Variants in ABTB2 observed in about 807,000 individuals in gnomAD.
ABTB2 encodes ankyrin repeat and BTB domain containing 2, also known as ankyrin repeat and BTB/POZ domain-containing protein 2.
ABTB2 carries 56 observed loss-of-function variants against 104.1 expected under a neutral mutation model. The observed-to-expected ratio is 0.54, with a 90% CI of 0.43 to 0.67. The LOEUF (loss-of-function observed/expected upper bound fraction) is 0.67. ABTB2 is among the 30% of genes least tolerant of loss of function. ABTB2 has a pLI of 0.00. For synonymous variants in ABTB2, 606 were observed against 608.2 expected (o/e 1.00, Z 0.05); for missense variants, 1,279 against 1,407.7 (o/e 0.91, Z 1.46).
chr11:34,206,851 G>A (rs1853414499), intron 1 of ABTB2, among the ~76,000 whole-genome samples: 1 of 152,192 alleles, frequency 6.6e-6, no homozygotes, highest in South Asian at 2.1e-4. Context: ...CTGATGTGGT[G>A]AAGGCCCCCT....
At chr11:34,246,503 A>C (rs1853984726) in intron 1 of ABTB2, among the ~76,000 whole-genome samples, 1 of 147,218 alleles carries the variant, frequency 6.8e-6, no homozygotes, top group African/African-American at 2.5e-5. Flanking sequence ...TGGGAGGCTT[A>C]GGCAGGAGAA....
intron 1 of ABTB2, among the ~76,000 whole-genome samples, chr11:34,354,561 C>A (rs1008088977): frequency 1.1e-4 from 16 of 152,050 alleles, no homozygotes; most frequent in Admixed American, 6.5e-5. Context: ...GAATGCTGAC[C>A]CTAGATAAGA....
chr11:34,166,981 CGAGA>C (rs150838892), intron 7 of ABTB2, among the ~76,000 whole-genome samples: 14 of 152,078 alleles, frequency 9.2e-5, no homozygotes, highest in South Asian at 6.2e-4. Flanking sequence ...GTGCCCGACA[CGAGA>C]GAGAGAGAGA....
At chr11:34,302,394 A>G (rs532358016) in intron 1 of ABTB2, among the ~76,000 whole-genome samples, 13 of 152,300 alleles carry the variant, frequency 8.5e-5, no homozygotes, top group African/African-American at 3.1e-4. Context: ...ACCTCTTCCT[A>G]TCTGAAATCC....
At chr11:34,329,710 A>C (rs1371889137) in intron 1 of ABTB2, among the ~76,000 whole-genome samples, 2 of 152,348 alleles carry the variant, frequency 1.3e-5, no homozygotes, top group East Asian at 3.9e-4. Context: ...GAGCCAACCC[A>C]GGAGCAGAAT....
chr11:34,348,763 G>A (rs943008688), intron 1 of ABTB2, among the ~76,000 whole-genome samples: 6 of 152,154 alleles, frequency 3.9e-5, no homozygotes, highest in Admixed American at 1.3e-4. Context: ...AAAAGCACCC[G>A]CAATGGGGAA....
Position 34,357,285 on chromosome 11 carries a change from G to T in ABTB2, c.299C>A (p.Thr100Asn). The T allele has an allele frequency of 6.6e-7, 1 of 1,508,556 alleles. No individual in the cohort carries two copies. The highest frequency in any genetic ancestry group is 8.9e-7 in the Non-Finnish European group (1 of 1,126,742). The allele number at this position is 1,508,556 out of a possible 1,614,324, so 93.4% of individuals were successfully genotyped here. ...RLPELEEFPW[T>N]EGDVARVLRK... The stretch of plus-strand genomic sequence containing the variant: ...GAGCACCCGGGCCACGTCTCCTTCG[G>T]TCCAGGGGAACTCCTCCAGCTCGGG... The change falls in exon 1 of 17, where the codon ACC becomes AAC. Residue 100 changes from threonine to asparagine, a missense_variant. Transcript: ENST00000435224.
intron 1 of ABTB2, among the ~76,000 whole-genome samples, chr11:34,289,080 T>C (rs1245987061): frequency 6.6e-6 from 1 of 152,216 alleles, no homozygotes; most frequent in African/African-American, 2.4e-5. Flanking sequence ...ATAACATAAA[T>C]CTATGAACAG....
chr11:34,229,382 A>G (rs11032566), intron 1 of ABTB2, among the ~76,000 whole-genome samples: 1,593 of 151,138 alleles, frequency 0.011, 32 homozygotes, highest in East Asian at 0.09. Context: ...TCGGGAGGCT[A>G]AGGCAGGAGA....
At chr11:34,199,071 A>G (rs1359875859) in intron 2 of ABTB2, among the ~76,000 whole-genome samples, 1 of 152,238 alleles carries the variant, frequency 6.6e-6, no homozygotes, top group Non-Finnish European at 1.5e-5. Context: ...AGCCCTGCAC[A>G]GGGTCTGTTA....
At chr11:34,176,322 G>C (rs1452103034) in intron 3 of ABTB2, among the ~76,000 whole-genome samples, 1 of 148,280 alleles carries the variant, frequency 6.7e-6, no homozygotes, top group Non-Finnish European at 1.5e-5. Context: ...ATATCTTCCT[G>C]CTCTGAGATC....
chr11:34,290,601 G>T (rs1200504907), intron 1 of ABTB2, among the ~76,000 whole-genome samples: 1 of 152,174 alleles, frequency 6.6e-6, no homozygotes, highest in African/African-American at 2.4e-5. Context: ...CAGCACTTCA[G>T]GAAGCTGAGG....
intron 1 of ABTB2, among the ~76,000 whole-genome samples, chr11:34,237,140 C>G (rs1039373587): frequency 3.3e-5 from 5 of 152,076 alleles, no homozygotes; most frequent in African/African-American, 1.2e-4. Flanking sequence ...TAAAATGGAG[C>G]CCACAGTACC....
rs1401054770 is a variant in ABTB2, at chr11:34,252,400, A to G, written c.884-47710T>C. Among the ~76,000 whole-genome samples the G allele has an allele frequency of 2.0e-5, 3 of 152,170 alleles. No homozygotes were observed. The East Asian group carries it at 5.8e-4, about 29-fold the overall frequency. On this transcript the variant is annotated intron_variant, in intron 1 of 16. Transcript: ENST00000435224. The surrounding 1 kb of genome is among the most constrained non-coding windows in gnomAD (Gnocchi z 5.5). ...CTTTGGAGCATCCAGGCAGCTGATA[A>G]TGACCACTGCTTAACCAGCCCTCCT...
At chr11:34,254,635 T>G (rs1031306450) in intron 1 of ABTB2, among the ~76,000 whole-genome samples, 21 of 151,722 alleles carry the variant, frequency 1.4e-4, no homozygotes, top group Non-Finnish European at 2.8e-4. Context: ...ATGTGGTTTT[T>G]GGGCACTTAA....
intron 1 of ABTB2, among the ~76,000 whole-genome samples, chr11:34,248,415 G>C (rs1174772422): frequency 3.3e-5 from 5 of 151,768 alleles, no homozygotes; most frequent in Non-Finnish European, 7.4e-5. Context: ...TTAACTACCA[G>C]TTTCCTATTA....
At position 34,173,141 on chromosome 11, in the gene ABTB2, T is replaced by C. The variant is rs768743524; in HGVS notation, c.1397+14A>G. On this transcript the variant is annotated intron_variant, in intron 4 of 16. Transcript: ENST00000435224. The stretch of plus-strand genomic sequence containing the variant: ...TCATGGATGCCGGGGCCCTCCCTCC[T>C]CCCTGGTTCATACTTGAGCTGCCGA... The C allele has an allele frequency of 8.1e-6, 13 of 1,613,376 alleles. No individual in the cohort carries two copies. In the Admixed American group the frequency reaches 2.2e-4, roughly 27 times the overall value.
At chr11:34,170,807 GCA>G (rs1852862410) in intron 5 of ABTB2, 97 bp downstream of exon 5, 8 of 1,456,038 alleles carry the variant, frequency 5.5e-6, no homozygotes, top group Non-Finnish European at 6.5e-6. Context: ...ACAGAGCTGA[GCA>G]AATCTCAGGG....
chr11:34,191,431 C>CT (rs1853174961), intron 3 of ABTB2, among the ~76,000 whole-genome samples: 2 of 152,248 alleles, frequency 1.3e-5, no homozygotes, highest in Non-Finnish European at 2.9e-5. Flanking sequence ...ACCAGGATCT[C>CT]ACCTGGACAA....
Sources: gnomAD v4.1 joint callset for allele counts (sites outside exome capture counted in the v4.1 genomes callset) on GRCh38, gnomAD v4.1.1 for gene constraint, Gnocchi (gnomAD v3.1) non-coding constraint, MANE v1.5 for transcripts, NCBI Gene and HGNC (gene_info 2026-07-23, HGNC 2026-07-21) for gene names.